ANXA8: variants seen among roughly 807,000 people sequenced by gnomAD.
ANXA8 encodes the protein annexin A8, also known as VAC-beta.
ANXA8 carries 9 observed loss-of-function variants against 26.8 expected under a neutral mutation model. That is an observed-to-expected ratio of 0.34 (90% CI 0.20 to 0.59). The LOEUF is 0.59. Ranked by LOEUF, ANXA8 falls within the 20% of genes least tolerant of loss-of-function variation. ANXA8 has a pLI of 0.84. For missense variants in ANXA8, 83 were observed against 238.5 expected, an observed-to-expected ratio of 0.35 and a Z score of 4.29; for synonymous variants, 39 against 94.8, an observed-to-expected ratio of 0.41 and a Z score of 3.42.
the ANXA8 span, among the ~76,000 whole-genome samples, chr10:47,944,114 G>T: frequency 6.8e-6 from 1 of 146,300 alleles, no homozygotes; most frequent in Non-Finnish European, 1.5e-5. Flanking sequence ...CTGGAGGCTG[G>T]GAAGTCCAGG....
the ANXA8 span, among the ~76,000 whole-genome samples, chr10:47,583,457 C>CA: frequency 1.2e-5 from 1 of 84,662 alleles, no homozygotes; most frequent in Middle Eastern, 4.3e-3. Flanking sequence ...GCCGCCCAGG[C>CA]AGGCCCGCCC....
the ANXA8 span, among the ~76,000 whole-genome samples, chr10:47,628,288 T>G: frequency 6.6e-6 from 1 of 152,126 alleles, no homozygotes; most frequent in Admixed American, 6.5e-5. Context: ...ATACGTACCT[T>G]TTTTGTATTG....
chr10:47,763,686 G>C, the ANXA8 span: 1 of 169,850 alleles, frequency 5.9e-6, no homozygotes, highest in Non-Finnish European at 1.2e-5. Context: ...TCACCCCTCG[G>C]CGCGCCCTGG....
chr10:47,500,900 A>ATTT, the ANXA8 span, among the ~76,000 whole-genome samples: 2 of 109,086 alleles, frequency 1.8e-5, no homozygotes, highest in African/African-American at 3.8e-5. Context: ...CGCCCAGCTA[A>ATTT]TTTTTTTTTT....
the ANXA8 span, among the ~76,000 whole-genome samples, chr10:47,677,366 G>A: frequency 2.0e-5 from 3 of 152,096 alleles, no homozygotes; most frequent in Non-Finnish European, 2.9e-5. Context: ...ACCGCTACGA[G>A]AATCATTCTC....
chr10:47,623,958 C>T, the ANXA8 span, among the ~76,000 whole-genome samples: 5 of 98,046 alleles, frequency 5.1e-5, no homozygotes, highest in African/African-American at 1.6e-4. Context: ...AAAAGGTGGC[C>T]GGGCGCAGTG....
the ANXA8 span, among the ~76,000 whole-genome samples, chr10:47,559,949 A>G: frequency 6.6e-6 from 1 of 151,542 alleles, no homozygotes; most frequent in Non-Finnish European, 1.5e-5. Flanking sequence ...GCTTCTCTTC[A>G]CTGTTTAGCA....
the ANXA8 span, chr10:47,590,397 G>A: frequency 6.8e-6 from 1 of 146,832 alleles, no homozygotes; most frequent in Non-Finnish European, 1.5e-5. Context: ...TCTCCAGGGT[G>A]AGTTGTGACC....
chr10:47,708,955 T>C, the ANXA8 span, among the ~76,000 whole-genome samples: 1 of 148,836 alleles, frequency 6.7e-6, no homozygotes, highest in Non-Finnish European at 1.5e-5. Flanking sequence ...CCAGAGAAGT[T>C]ATGTACAAGT....
At chr10:47,748,776 T>C in the ANXA8 span, among the ~76,000 whole-genome samples, 9 of 149,888 alleles carry the variant, frequency 6.0e-5, no homozygotes, top group Admixed American at 2.0e-4. Flanking sequence ...GACACATTAC[T>C]CTCAAAGGAG....
chr10:47,747,086 A>G, the ANXA8 span, among the ~76,000 whole-genome samples: 1 of 142,678 alleles, frequency 7.0e-6, no homozygotes, highest in Non-Finnish European at 1.5e-5. Context: ...TCAAAAGAAG[A>G]AAAACACAAG....
At chr10:47,614,556 AG>A in the ANXA8 span, among the ~76,000 whole-genome samples, 1 of 64,826 alleles carries the variant, frequency 1.5e-5, no homozygotes, top group Admixed American at 1.7e-4. Context: ...TGGATTATCT[AG>A]TATACTCCAT....
the ANXA8 span, among the ~76,000 whole-genome samples, chr10:47,552,671 A>G: frequency 6.6e-6 from 1 of 151,968 alleles, no homozygotes; most frequent in African/African-American, 2.4e-5. Context: ...TGTGGCCAAT[A>G]AATTGGTAGT....
At chr10:47,733,197 C>G in the ANXA8 span, among the ~76,000 whole-genome samples, 1 of 109,726 alleles carries the variant, frequency 9.1e-6, no homozygotes. Flanking sequence ...TTCTTTCTTT[C>G]TTTCTTTCTT....
the ANXA8 span, among the ~76,000 whole-genome samples, chr10:47,561,216 A>T: frequency 0.032 from 4,903 of 151,912 alleles, 316 homozygotes; most frequent in African/African-American, 0.11. Flanking sequence ...GCAAATAATT[A>T]TCATTTTTTC....
chr10:47,943,870 G>GGGGCAGTCTGGCAGGCT, the ANXA8 span, among the ~76,000 whole-genome samples: 1 of 147,618 alleles, frequency 6.8e-6, no homozygotes, highest in Non-Finnish European at 1.5e-5. Flanking sequence ...TGCCTGGTCC[G>GGGGCAGTCTGGCAGGCT]GGGCAGTCTG....
At chr10:47,593,380 C>T in the ANXA8 span, among the ~76,000 whole-genome samples, 1 of 149,718 alleles carries the variant, frequency 6.7e-6, no homozygotes, top group Non-Finnish European at 1.5e-5. Flanking sequence ...AATTATGTCT[C>T]GCCTCCATCT....
At chr10:47,669,571 C>A in the ANXA8 span, among the ~76,000 whole-genome samples, 1 of 151,780 alleles carries the variant, frequency 6.6e-6, no homozygotes, top group East Asian at 1.9e-4. Context: ...AAAAATTAAC[C>A]CGGTGTGGTG....
At chr10:47,980,537 A>G in the ANXA8 span, among the ~76,000 whole-genome samples, 3 of 151,750 alleles carry the variant, frequency 2.0e-5, no homozygotes, top group Non-Finnish European at 4.4e-5. Flanking sequence ...AGAAGAAAAA[A>G]GTTATGTGCC....
Sources: allele counts gnomAD v4.1 joint callset (sites outside exome capture counted in the v4.1 genomes callset), GRCh38; gene constraint gnomAD v4.1.1; transcripts MANE v1.5; gene names NCBI Gene and HGNC (gene_info 2026-07-23, HGNC 2026-07-21).